CNTN4: variants seen among roughly 807,000 people sequenced by gnomAD.
CNTN4 encodes contactin 4.
Under a neutral mutation model 122.5 loss-of-function variants are expected in CNTN4, and 77 were observed. That is an observed-to-expected ratio of 0.63 (90% confidence interval 0.52 to 0.76). CNTN4 has a LOEUF of 0.76. CNTN4 is among the 30% of genes least tolerant of loss of function. CNTN4 has a pLI of 0.00. For synonymous variants in CNTN4, 512 were observed against 447.0 expected (o/e 1.15, Z -1.83); for missense variants, 1,256 against 1,259.1 (o/e 1.00, Z 0.04).
chr3:2,488,522 C>T (rs1393473681), intron 3 of CNTN4, among the ~76,000 whole-genome samples: 2 of 152,152 alleles, frequency 1.3e-5, no homozygotes, highest in Non-Finnish European at 2.9e-5. Context: ...CCCTGAGCTA[C>T]TGGGATAGGC....
In CNTN4 at chr3:2,900,636, T is replaced by G. The variant is rs553761036; in HGVS notation, c.941-49T>G. ...TTGATTGAATATGATAAAAATAGAT[T>G]GAGTACACACTGAATATACACCTTT... On this transcript the variant is annotated intron_variant, in intron 10 of 24. Coordinates refer to ENST00000418658, the MANE Select transcript of CNTN4 (RefSeq NM_175607.3). 25 of 1,592,778 alleles carry G rather than the reference T, an allele frequency of 1.6e-5. No individual in the cohort carries two copies. The East Asian group carries it at 4.9e-4, about 31-fold the overall frequency.
intron 3 of CNTN4, among the ~76,000 whole-genome samples, chr3:2,561,963 G>C (rs551089950): frequency 6.6e-6 from 1 of 152,306 alleles, no homozygotes; most frequent in Non-Finnish European, 1.5e-5. Flanking sequence ...GGACAGAGGA[G>C]TGGAGGTGCC....
At chr3:2,852,168 A>G (rs2093560070) in intron 7 of CNTN4, among the ~76,000 whole-genome samples, 1 of 152,230 alleles carries the variant, frequency 6.6e-6, no homozygotes, top group Non-Finnish European at 1.5e-5. Context: ...AACACTGTAT[A>G]CATGATCACA....
intron 4 of CNTN4, among the ~76,000 whole-genome samples, chr3:2,703,192 G>C (rs79894664): frequency 0.012 from 1,865 of 152,282 alleles, 27 homozygotes; most frequent in African/African-American, 0.038. Context: ...GAGCAGAGCA[G>C]GAGTAGTCTC....
chr3:2,555,544 AT>A (rs1349739325), intron 3 of CNTN4, among the ~76,000 whole-genome samples: 24 of 152,310 alleles, frequency 1.6e-4, no homozygotes, highest in African/African-American at 5.3e-4. Flanking sequence ...CAAAGCACAT[AT>A]GAGAAGTACT....
intron 3 of CNTN4, among the ~76,000 whole-genome samples, chr3:2,355,371 A>G (rs954174976): frequency 6.6e-6 from 1 of 152,222 alleles, no homozygotes. Flanking sequence ...CACACATTTG[A>G]TCAATGTCTT....
At chr3:2,972,612 T>C (rs1196089460) in intron 13 of CNTN4, among the ~76,000 whole-genome samples, 3 of 152,226 alleles carry the variant, frequency 2.0e-5, no homozygotes, top group African/African-American at 7.2e-5. Context: ...GAACACTATC[T>C]TCCTTTCATA....
intron 2 of CNTN4, among the ~76,000 whole-genome samples, chr3:2,272,081 G>C (rs13085297): frequency 0.53 from 80,044 of 151,756 alleles, 21,988 homozygotes; most frequent in South Asian, 0.68. Context: ...CATGAAAAAT[G>C]TTATTAAAAT....
intron 7 of CNTN4, among the ~76,000 whole-genome samples, chr3:2,834,074 A>T (rs2093162047): frequency 6.6e-6 from 1 of 151,886 alleles, no homozygotes; most frequent in Admixed American, 6.6e-5. Context: ...TGATCACGGG[A>T]GGCAGAGGTT....
At chr3:2,705,861 TTATA>T (rs1244974903) in intron 4 of CNTN4, among the ~76,000 whole-genome samples, 22 of 88,182 alleles carry the variant, frequency 2.5e-4, no homozygotes, top group African/African-American at 3.1e-4. Flanking sequence ...ATATATGTGT[TTATA>T]TATAATATAT....
chr3:2,557,514 TC>T (rs1478623805), intron 3 of CNTN4, among the ~76,000 whole-genome samples: 1 of 152,088 alleles, frequency 6.6e-6, no homozygotes, highest in Non-Finnish European at 1.5e-5. Flanking sequence ...GATCACGAGG[TC>T]AGGAGATCGA....
Position 2,841,034 on chromosome 3 carries a change from T to A in CNTN4, c.454+21453T>A, listed in dbSNP as rs558859360. The stretch of plus-strand genomic sequence containing the variant: ...TCTCCTTCTCTATTCTGCATTATCA[T>A]ATGAAATCAAAGAGTGAGGAAAAAA... On this transcript the variant is annotated intron_variant, in intron 7 of 24. Coordinates refer to ENST00000418658, the MANE Select transcript of CNTN4 (RefSeq NM_175607.3). This position sits in a 1 kb window ranked among gnomAD's most constrained non-coding sequence, Gnocchi z 4.8. Among the ~76,000 whole-genome samples, 3 of 152,316 alleles carry A rather than the reference T, an allele frequency of 2.0e-5. No individual in the cohort carries two copies. Among genetic ancestry groups the A allele is most frequent in the African/African-American group, 7.2e-5 (3 of 41,586 alleles).
chr3:2,247,765 A>T (rs1456789606), intron 2 of CNTN4, among the ~76,000 whole-genome samples: 2 of 151,960 alleles, frequency 1.3e-5, no homozygotes, highest in African/African-American at 4.8e-5. Context: ...ATAGCAACCC[A>T]TGTCTAGTCA....
At chr3:2,701,849 A>C (rs2086376785) in intron 4 of CNTN4, among the ~76,000 whole-genome samples, 1 of 152,190 alleles carries the variant, frequency 6.6e-6, no homozygotes, top group African/African-American at 2.4e-5. Context: ...GGCAAAATCC[A>C]CAATTACTTT....
chr3:2,544,223 G>A (rs988253558), intron 3 of CNTN4, among the ~76,000 whole-genome samples: 6 of 151,984 alleles, frequency 3.9e-5, no homozygotes, highest in Non-Finnish European at 7.4e-5. Flanking sequence ...AATTATTCAC[G>A]CATCAAGCTT....
At chr3:2,210,066 A>G (rs1231367988) in intron 2 of CNTN4, among the ~76,000 whole-genome samples, 2 of 152,102 alleles carry the variant, frequency 1.3e-5, no homozygotes, top group Admixed American at 6.6e-5. Context: ...AAAACTATTT[A>G]CCAAGGTGTG....
chr3:2,638,303 G>C (rs1359562847), intron 4 of CNTN4, among the ~76,000 whole-genome samples: 1 of 151,986 alleles, frequency 6.6e-6, no homozygotes, highest in East Asian at 1.9e-4. Context: ...CAAACTCCTG[G>C]TTTCATGTGA....
intron 2 of CNTN4, among the ~76,000 whole-genome samples, chr3:2,225,870 A>G (rs1351613440): frequency 6.6e-6 from 1 of 152,170 alleles, no homozygotes; most frequent in African/African-American, 2.4e-5. Flanking sequence ...TTTAGGGGAT[A>G]GAGTGACCCT....
intron 5 of CNTN4, among the ~76,000 whole-genome samples, chr3:2,739,590 A>G (rs1398251659): frequency 1.4e-5 from 2 of 146,666 alleles, no homozygotes; most frequent in Non-Finnish European, 3.0e-5. Flanking sequence ...TGTTCAAGGT[A>G]TAGAGGAAGT....
Sources: gnomAD v4.1 joint callset for allele counts (sites outside exome capture counted in the v4.1 genomes callset) on GRCh38, gnomAD v4.1.1 for gene constraint, Gnocchi (gnomAD v3.1) non-coding constraint, MANE v1.5 for transcripts, NCBI Gene and HGNC (gene_info 2026-07-23, HGNC 2026-07-21) for gene names.